Variants in ZNF385D observed in about 807,000 individuals in gnomAD.
The protein encoded by ZNF385D is zinc finger protein 385D, also known as zinc finger protein 659.
Under a neutral mutation model 35.8 loss-of-function variants are expected in ZNF385D, and 15 were observed. That is an observed-to-expected ratio of 0.42 (90% CI 0.28 to 0.64). The LOEUF is 0.64. Ranked by LOEUF, ZNF385D falls within the 30% of genes least tolerant of loss-of-function variation. The pLI is 0.23. For synonymous variants in ZNF385D, 212 were observed against 186.8 expected (o/e 1.13, Z -1.10); for missense variants, 474 against 494.6 (o/e 0.96, Z 0.39).
rs149880952 is a variant in ZNF385D, at chr3:21,812,714, G to A, written c.326-147686C>T. On this transcript the variant is annotated intron_variant, in intron 3 of 5. Coordinates refer to the ZNF385D transcript ENST00000494108. Reference sequence around the variant, plus strand: ...GCAGCTGGGAAGCTCGAACTGCGTGGAGCCCACCACAGCTCAAGGAGGCCT... The same window carrying A: ...GCAGCTGGGAAGCTCGAACTGCGTGAAGCCCACCACAGCTCAAGGAGGCCT... Among the ~76,000 whole-genome samples the A allele has an allele frequency of 2.9e-3, 442 of 152,342 alleles. 2 individuals carry two copies. The highest frequency in any genetic ancestry group is 1.0e-2 in the African/African-American group (415 of 41,582).
At chr3:21,447,868 C>T (rs966706953) in intron 4 of ZNF385D, among the ~76,000 whole-genome samples, 1 of 152,118 alleles carries the variant, frequency 6.6e-6, no homozygotes, top group South Asian at 2.1e-4. Flanking sequence ...ACAGCCAGCT[C>T]TTCAGTTTTT....
intron 2 of ZNF385D, among the ~76,000 whole-genome samples, chr3:22,256,431 A>G (rs1700321500): frequency 6.6e-6 from 1 of 151,742 alleles, no homozygotes; most frequent in African/African-American, 2.4e-5. Context: ...ATTAATCTTC[A>G]TAAAATTGAA....
intron 3 of ZNF385D, among the ~76,000 whole-genome samples, chr3:21,851,541 A>G (rs1696388541): frequency 6.6e-6 from 1 of 152,106 alleles, no homozygotes; most frequent in Non-Finnish European, 1.5e-5. Flanking sequence ...GCCAATGAAT[A>G]AACAAATTAT....
chr3:22,261,659 G>T lies in ZNF385D; in HGVS notation c.107-92624C>A, dbSNP rs1700638112. Among the ~76,000 whole-genome samples the T allele has an allele frequency of 2.0e-5, 3 of 151,848 alleles. 1 individual carries two copies. The South Asian group carries it at 6.2e-4, about 32-fold the overall frequency. ...CTAATGGAGCTAGGGTATGGGGGTG[G>T]CATTAGCAGAGACCTGAAGGTGGGG... is the stretch of plus-strand genomic sequence containing the variant. On this transcript the variant is annotated intron_variant, in intron 2 of 5. Transcript: ENST00000494108.
In ZNF385D at chr3:21,447,757, G is replaced by C. The variant is rs112184695; in HGVS notation, c.440-10554C>G. ...TCTGACTGGTAATTTAGAATGAGTAGGGACTGCAAAATGTGAAGATAGTCA... is the reference window on the plus strand; with the variant it reads ...TCTGACTGGTAATTTAGAATGAGTACGGACTGCAAAATGTGAAGATAGTCA... On this transcript the variant is annotated intron_variant, in intron 4 of 7. Transcript: ENST00000281523. Among the ~76,000 whole-genome samples the C allele has an allele frequency of 3.5e-3, 532 of 152,256 alleles. 3 individuals are homozygous for C. Among genetic ancestry groups the C allele is most frequent in the Admixed American group, 0.011 (162 of 15,278 alleles).
intron 3 of ZNF385D, among the ~76,000 whole-genome samples, chr3:21,764,218 A>G (rs561266776): frequency 3.9e-5 from 6 of 152,316 alleles, no homozygotes; most frequent in African/African-American, 1.4e-4. Flanking sequence ...CCCAGAGGAT[A>G]AAGCAGTGTG....
intron 3 of ZNF385D, among the ~76,000 whole-genome samples, chr3:21,803,495 G>A (rs1377967571): frequency 1.3e-5 from 2 of 151,878 alleles, no homozygotes; most frequent in African/African-American, 2.4e-5. Context: ...TAAATATTCT[G>A]TAATAAAATA....
At chr3:22,013,923 G>C (rs1001953701) in intron 3 of ZNF385D, among the ~76,000 whole-genome samples, 9 of 152,178 alleles carry the variant, frequency 5.9e-5, no homozygotes, top group Admixed American at 5.2e-4. Context: ...AGAATGCTGA[G>C]TTAAGACCCT....
intron 3 of ZNF385D, among the ~76,000 whole-genome samples, chr3:22,014,739 A>G (rs1485358602): frequency 3.9e-5 from 6 of 152,164 alleles, no homozygotes; most frequent in Non-Finnish European, 1.5e-5. Context: ...AACCGCTAAG[A>G]ATTGTGATTA....
intron 2 of ZNF385D, among the ~76,000 whole-genome samples, chr3:21,588,159 T>C (rs895783243): frequency 6.6e-6 from 1 of 152,110 alleles, no homozygotes; most frequent in African/African-American, 2.4e-5. Flanking sequence ...ATTATGATAA[T>C]TGCTGTAAAA....
rs75859214 is a variant in ZNF385D, at chr3:21,872,626, A to G, written c.326-207598T>C. On this transcript the variant is annotated intron_variant, in intron 3 of 5. Transcript: ENST00000494108. ...ACCATTAGGTCAGTGAAGTCTTACT[A>G]TTTAGATGCTGAGACCATAATGAAA... is the stretch of plus-strand genomic sequence containing the variant. Among the ~76,000 whole-genome samples the G allele has an allele frequency of 7.3e-3, 1,106 of 152,220 alleles. 19 individuals carry two copies. Among genetic ancestry groups the G allele is most frequent in the African/African-American group, 0.024 (989 of 41,544 alleles).
intron 2 of ZNF385D, among the ~76,000 whole-genome samples, chr3:22,247,614 A>AT (rs1194629974): frequency 2.8e-5 from 3 of 105,792 alleles, no homozygotes; most frequent in Non-Finnish European, 5.5e-5. Flanking sequence ...CCATTTTACA[A>AT]TTTTATTTAT....
intron 3 of ZNF385D, among the ~76,000 whole-genome samples, chr3:21,779,182 G>C (rs961718452): frequency 6.6e-6 from 1 of 151,892 alleles, no homozygotes; most frequent in African/African-American, 2.4e-5. Context: ...CAAAGCCACA[G>C]ACATCAGTGT....
intron 4 of ZNF385D, among the ~76,000 whole-genome samples, chr3:21,484,650 T>C (rs1024626506): frequency 6.6e-6 from 1 of 152,126 alleles, no homozygotes; most frequent in Non-Finnish European, 1.5e-5. Context: ...CTGCCTCTGC[T>C]TGCATTAGTG....
At chr3:22,141,936 A>G (rs1457340976) in intron 3 of ZNF385D, among the ~76,000 whole-genome samples, 1 of 152,204 alleles carries the variant, frequency 6.6e-6, no homozygotes, top group East Asian at 1.9e-4. Flanking sequence ...GCATGTACGT[A>G]TTGGAAGACA....
intron 2 of ZNF385D, among the ~76,000 whole-genome samples, chr3:21,660,654 G>T (rs2066210923): frequency 6.6e-6 from 1 of 152,246 alleles, no homozygotes; most frequent in Non-Finnish European, 1.5e-5. Flanking sequence ...CATAAAATGT[G>T]GCCATTTTTT....
chr3:21,457,384 C>G (rs528384689), intron 4 of ZNF385D, among the ~76,000 whole-genome samples: 2 of 151,162 alleles, frequency 1.3e-5, no homozygotes, highest in Non-Finnish European at 3.0e-5. Context: ...GAGAATGAGT[C>G]TCGTTCTGTC....
Position 22,181,785 on chromosome 3 carries a change from T to C in ZNF385D, c.107-12750A>G, listed in dbSNP as rs975931773. Among the ~76,000 whole-genome samples the C allele has an allele frequency of 1.4e-4, 21 of 151,640 alleles. No individual in the cohort carries two copies. The East Asian group carries it at 1.7e-3, about 13-fold the overall frequency. On this transcript the variant is annotated intron_variant, in intron 2 of 5. Coordinates refer to the ZNF385D transcript ENST00000494108. ...TGTTACAAAAAGATAGTAATGCCCA[T>C]AGACTCTCCTTCACTAGCTTTAAAG... is the stretch of plus-strand genomic sequence containing the variant.
chr3:22,358,424 G>T (rs1488149366), intron 2 of ZNF385D, among the ~76,000 whole-genome samples: 1 of 151,822 alleles, frequency 6.6e-6, no homozygotes, highest in East Asian at 1.9e-4. Context: ...TTCAAAAGTT[G>T]CATTCTGCAT....
Sources: gnomAD v4.1 joint callset for allele counts (sites outside exome capture counted in the v4.1 genomes callset) on GRCh38, gnomAD v4.1.1 for gene constraint, MANE v1.5 for transcripts, NCBI Gene and HGNC (gene_info 2026-07-23, HGNC 2026-07-21) for gene names.